ZNF586: variants seen among roughly 807,000 people sequenced by gnomAD.
The protein encoded by ZNF586 is zinc finger protein 586.
A neutral mutation model predicts 6.7 loss-of-function variants in ZNF586; 7 were observed. The ratio of observed to expected loss-of-function variants is 1.04; its 90% confidence interval spans 0.59 to 1.95. ZNF586 has a LOEUF of 1.95. ZNF586 is among the 30% of genes most tolerant of loss of function. The pLI, the probability that ZNF586 is intolerant of heterozygous loss-of-function variation, is 0.00. For synonymous variants in ZNF586, 166 were observed against 168.7 expected (o/e 0.98, Z 0.12); for missense variants, 442 against 489.6 (o/e 0.90, Z 0.92).
Position 57,780,088 on chromosome 19 carries a change from A to T in ZNF586, c.*292A>T, listed in dbSNP as rs2122569734. 1 of 389,138 alleles carries T rather than the reference A, an allele frequency of 2.6e-6. No individual in the cohort carries two copies. The highest frequency in any genetic ancestry group is 2.0e-5 in the African/African-American group (1 of 49,212). The allele number at this position is 389,138 out of a possible 1,614,324, so 24.1% of individuals were successfully genotyped here. A position where few individuals can be genotyped will look rare whatever the true frequency, so the allele number is the denominator to read the frequency against. ...AATATAACACTGGAGGAAACCCCTTATGAGGATGCCATCTGCCTAAATTGA... is the reference window on the plus strand; with the variant it reads ...AATATAACACTGGAGGAAACCCCTTTTGAGGATGCCATCTGCCTAAATTGA... On this transcript the variant is annotated 3_prime_UTR_variant, in exon 3 of 3. Coordinates refer to ENST00000396154, the MANE Select transcript of ZNF586 (RefSeq NM_017652.4).
chr19:57,777,746 CTTTTTTTT>C (rs34718874), intron 2 of ZNF586, among the ~76,000 whole-genome samples: 3 of 54,486 alleles, frequency 5.5e-5, no homozygotes, highest in Admixed American at 3.0e-4. Context: ...TATACCCATT[CTTTTTTTT>C]TTTTTTTTTT....
In ZNF586 at chr19:57,778,826, G is replaced by C; in HGVS notation, c.239G>C (p.Gly80Ala). Residue 80 changes from glycine (G) to alanine (A), a missense_variant, in exon 3 of 3, where the codon GGA (glycine) becomes GCA (alanine). Gly to Ala is a moderately conservative substitution (Grantham distance 60, BLOSUM62 0). Coordinates refer to ENST00000396154, the MANE Select transcript of ZNF586 (RefSeq NM_017652.4). ...TGTATACATATATACAAAGACCAGG[G>C]AGGTCATAGTGGAGAAAGGCCTTAT... ...STCIHIYKDQ[G>A]GHSGERPYEC... 2.5e-6 allele frequency: 4 copies of C among 1,614,162 alleles called. No homozygotes were observed. Among genetic ancestry groups the C allele is most frequent in the Non-Finnish European group, 3.4e-6 (4 of 1,180,030 alleles).
intron 1 of ZNF586, among the ~76,000 whole-genome samples, chr19:57,772,988 A>G (rs1191122138): frequency 6.6e-6 from 1 of 151,954 alleles, no homozygotes; most frequent in African/African-American, 2.4e-5. Flanking sequence ...ACTCATTGCC[A>G]TTCAAAGTCA....
At chr19:57,770,003 C>A in intron 1 of ZNF586, 125 bp downstream of exon 1, 1 of 936,930 alleles carries the variant, frequency 1.1e-6, no homozygotes, top group East Asian at 3.2e-5. Flanking sequence ...GAGGCGCCGG[C>A]GGGTGGGATC....
intron 1 of ZNF586, among the ~76,000 whole-genome samples, chr19:57,772,893 T>A (rs1035620823): frequency 6.6e-6 from 1 of 152,138 alleles, no homozygotes; most frequent in Non-Finnish European, 1.5e-5. Flanking sequence ...GGGCTGAAAT[T>A]TCCAGACCTC....
Position 57,779,634 on chromosome 19 carries a change from CT to C in ZNF586, c.1048del (p.Cys350ValfsTer15), listed in dbSNP as rs1987335849. 3 of 1,600,578 alleles carry C rather than the reference CT, an allele frequency of 1.9e-6. No individual in the cohort carries two copies. Among genetic ancestry groups the C allele is most frequent in the Non-Finnish European group, 1.7e-6 (2 of 1,174,792 alleles). ...TGERPYECSD[C>X]GKSFAENSSL... ...GAGAAAGGCCTTATGAGTGCAGTGA[CT>C]GTGGGAAATCCTTTGCTGAAAACTC... On this transcript the variant is annotated frameshift_variant, in exon 3 of 3. Coordinates refer to ENST00000396154, the MANE Select transcript of ZNF586 (RefSeq NM_017652.4). LOFTEE classifies it low-confidence loss of function (END_TRUNC).
At chr19:57,778,010 C>T (rs1000052760) in intron 2 of ZNF586, among the ~76,000 whole-genome samples, 1 of 151,652 alleles carries the variant, frequency 6.6e-6, no homozygotes, top group Non-Finnish European at 1.5e-5. Context: ...CGCCCCTCAA[C>T]TTCCCAAAGT....
intron 1 of ZNF586, chr19:57,774,643 C>T (rs1987182860): frequency 4.8e-6 from 2 of 420,438 alleles, no homozygotes; most frequent in African/African-American, 4.5e-5. Context: ...TCTGAAAATG[C>T]TAGTGGTTCT....
chr19:57,774,326 C>T (rs187744846), intron 1 of ZNF586, among the ~76,000 whole-genome samples: 2 of 151,280 alleles, frequency 1.3e-5, no homozygotes, highest in African/African-American at 4.9e-5. Flanking sequence ...AGTTGGAGAC[C>T]AGCCTGACCA....
At chr19:57,776,486 A>G in intron 1 of ZNF586, 57 bp from the exon 2 acceptor site, 1 of 1,563,346 alleles carries the variant, frequency 6.4e-7, no homozygotes, top group Non-Finnish European at 8.7e-7. Context: ...GGGGAAGTGG[A>G]CTGTGGGTCT....
rs369596169 is a variant in ZNF586, at chr19:57,779,734, C to A, written c.1147C>A (p.Arg383Ser). The part of the protein sequence containing the change: ...YECIDCGKSF[R>S]HSSSFRRHQR... ...ATGCATTGATTGTGGAAAATCATTT[C>A]GCCACAGTTCTTCGTTCCGTCGCCA... The change falls in exon 3 of 3, where the codon CGC (arginine) becomes AGC (serine). Residue 383 changes from arginine to serine, a missense_variant. Arg to Ser is a moderately radical substitution (Grantham distance 110, BLOSUM62 -1). Coordinates refer to ENST00000396154, the MANE Select transcript of ZNF586 (RefSeq NM_017652.4). 1 of 1,612,988 alleles carries A rather than the reference C, an allele frequency of 6.2e-7. No homozygotes were observed. Among genetic ancestry groups the A allele is most frequent in the African/African-American group, 1.3e-5 (1 of 74,904 alleles).
At chr19:57,773,490 G>A (rs1247510648) in intron 1 of ZNF586, among the ~76,000 whole-genome samples, 2 of 142,410 alleles carry the variant, frequency 1.4e-5, no homozygotes, top group Non-Finnish European at 3.0e-5. Flanking sequence ...TGCAACCTCC[G>A]CCTCCTGGGT....
At chr19:57,775,784 T>C (rs1004102012) in intron 1 of ZNF586, among the ~76,000 whole-genome samples, 4 of 152,092 alleles carry the variant, frequency 2.6e-5, no homozygotes, top group East Asian at 1.9e-4. Flanking sequence ...TGTATTTTAG[T>C]AGAGACGGGG....
In ZNF586 at chr19:57,779,664, C is replaced by A; in HGVS notation, c.1077C>A (p.Ser359Arg). The A allele has an allele frequency of 6.2e-7, 1 of 1,609,376 alleles. No homozygotes were observed. ...GGAAATCCTTTGCTGAAAACTCCAG[C>A]CTTATTAAACACTTGAGAGTTCACA... ...DCGKSFAENS[S>R]LIKHLRVHTG... is the part of the protein sequence containing the mutation. The change falls in exon 3 of 3, where the codon AGC (serine) becomes AGA (arginine). Residue 359 changes from serine (S) to arginine (R), a missense_variant. Transcript: ENST00000396154.
rs1395425375 is a variant in ZNF586, at chr19:57,774,857, C to T, written c.37-1686C>T. On this transcript the variant is annotated intron_variant, in intron 1 of 2. Coordinates refer to ENST00000396154, the MANE Select transcript of ZNF586 (RefSeq NM_017652.4). Reference sequence around the variant, plus strand: ...ACCTTCATGTCTGGTGATACCAGTACTACCTCACATGGTCTGAGTGCAAAT... The same window carrying T: ...ACCTTCATGTCTGGTGATACCAGTATTACCTCACATGGTCTGAGTGCAAAT... 10 of 568,670 alleles carry T rather than the reference C, an allele frequency of 1.8e-5. 1 individual carries two copies. In the East Asian group the frequency reaches 4.3e-4, roughly 25 times the overall value. 35.2% of individuals were successfully genotyped at this position (568,670 alleles called of 1,614,324 possible).
Position 57,778,966 on chromosome 19 carries a change from T to A in ZNF586, c.379T>A (p.Tyr127Asn). Residue 127 changes from tyrosine to asparagine, a missense_variant, in exon 3 of 3, where the codon TAT becomes AAT. Transcript: ENST00000396154. ...AGAAAGGCCTTATGAGTGCAGCAAA[T>A]ATGGGAAATTATTTCACCAAAAGCC... The part of the protein sequence containing the change: ...TGERPYECSK[Y>N]GKLFHQKPTL... 6.2e-7 allele frequency: 1 copy of A among 1,613,974 alleles called. No individual in the cohort carries two copies. The highest frequency in any genetic ancestry group is 8.5e-7 in the Non-Finnish European group (1 of 1,180,016).
chr19:57,770,117 C>T (rs1987054005), intron 1 of ZNF586, among the ~76,000 whole-genome samples: 1 of 150,254 alleles, frequency 6.7e-6, no homozygotes, highest in East Asian at 2.0e-4. Context: ...ACGGGGACAT[C>T]GTGTGTCTAC....
Position 57,779,182 on chromosome 19 carries a change from G to T in ZNF586, c.595G>T (p.Val199Phe), listed in dbSNP as rs372612065. The T allele has an allele frequency of 5.6e-5, 90 of 1,613,788 alleles. No individual in the cohort carries two copies. Among genetic ancestry groups the T allele is most frequent in the Non-Finnish European group, 1.2e-5 (14 of 1,179,996 alleles). ...EKSSLINHRK[V>F]HSGAKRYECN... ...GTCCAGTCTCATTAACCACAGGAAAGTTCACTCTGGAGCAAAGCGTTATGA... is the reference window on the plus strand; with the variant it reads ...GTCCAGTCTCATTAACCACAGGAAATTTCACTCTGGAGCAAAGCGTTATGA... Residue 199 changes from valine to phenylalanine, a missense_variant, in exon 3 of 3, where the codon GTT (valine) becomes TTT (phenylalanine). Transcript: ENST00000396154.
In ZNF586 at chr19:57,779,018, A is replaced by G. The variant is rs1987309996; in HGVS notation, c.431A>G (p.His144Arg). Reference sequence around the variant, plus strand: ...ACACTCCATATTCATGAGAGATTTCATACTGGGCAAAAGACCTATGAGTGC... The same window carrying G: ...ACACTCCATATTCATGAGAGATTTCGTACTGGGCAAAAGACCTATGAGTGC... ...KPTLHIHERF[H>R]TGQKTYECSE... Residue 144 changes from histidine to arginine, a missense_variant, in exon 3 of 3, where the codon CAT becomes CGT. His to Arg is a conservative substitution (Grantham distance 29). Coordinates refer to ENST00000396154, the MANE Select transcript of ZNF586 (RefSeq NM_017652.4). The G allele has an allele frequency of 1.2e-6, 2 of 1,614,042 alleles. No homozygotes were observed. Among genetic ancestry groups the G allele is most frequent in the African/African-American group, 1.3e-5 (1 of 74,900 alleles).
Sources: gnomAD v4.1 joint callset for allele counts (sites outside exome capture counted in the v4.1 genomes callset) on GRCh38, gnomAD v4.1.1 for gene constraint, MANE v1.5 for transcripts, NCBI Gene and HGNC (gene_info 2026-07-23, HGNC 2026-07-21) for gene names.